The following GPC6 variants were observed in gnomAD, a reference collection of about 807,000 sequenced individuals.
GPC6 encodes glypican-6.
GPC6 carries 14 observed loss-of-function variants against 55.2 expected under a neutral mutation model. The observed-to-expected ratio is 0.25, with a 90% CI of 0.17 to 0.40. The LOEUF is 0.40. Among genes scored for constraint, GPC6 ranks in the 10% least tolerant of loss-of-function variants. The probability of loss-of-function intolerance (pLI) is 1.00; values close to 1 mark genes in which losing one functional copy is unlikely to be tolerated. For missense variants in GPC6, 641 were observed against 708.5 expected (o/e 0.90, Z 1.08); for synonymous variants, 278 against 259.6 (o/e 1.07, Z -0.68).
intron 2 of GPC6, among the ~76,000 whole-genome samples, chr13:93,632,184 C>T (rs1351401281): frequency 6.6e-6 from 1 of 152,164 alleles, no homozygotes; most frequent in Non-Finnish European, 1.5e-5. Flanking sequence ...AACTTAGAAA[C>T]TTACCATGTC....
At chr13:94,057,711 G>A (rs944328703) in intron 4 of GPC6, among the ~76,000 whole-genome samples, 1 of 152,148 alleles carries the variant, frequency 6.6e-6, no homozygotes. Flanking sequence ...TTAAATAAGT[G>A]CTTGAATTTG....
chr13:93,832,122 A>AAAAAAAAAATATATAT (rs1555334870), intron 3 of GPC6, among the ~76,000 whole-genome samples: 1 of 12,052 alleles, frequency 8.3e-5, no homozygotes, highest in African/African-American at 4.4e-4. Context: ...AAAAAAAAAA[A>AAAAAAAAAATATATAT]ATATATATAT....
chr13:94,096,899 T>C (rs1357641467), intron 4 of GPC6, among the ~76,000 whole-genome samples: 5 of 152,208 alleles, frequency 3.3e-5, no homozygotes, highest in African/African-American at 1.2e-4. Flanking sequence ...ATTCATCTGC[T>C]CTTGGCTGCT....
At chr13:93,444,631 A>G (rs994937356) in intron 1 of GPC6, among the ~76,000 whole-genome samples, 6 of 152,190 alleles carry the variant, frequency 3.9e-5, no homozygotes, top group African/African-American at 7.2e-5. Context: ...CAACAACAAT[A>G]AAAACATGCC....
chr13:93,627,683 T>C (rs1763454195), intron 2 of GPC6, among the ~76,000 whole-genome samples: 1 of 126,648 alleles, frequency 7.9e-6, no homozygotes, highest in South Asian at 2.6e-4. Flanking sequence ...GCTGCTGTTA[T>C]TAGGTTTCTA....
chr13:93,592,074 G>A (rs1351212720), intron 2 of GPC6, among the ~76,000 whole-genome samples: 1 of 152,064 alleles, frequency 6.6e-6, no homozygotes, highest in Non-Finnish European at 1.5e-5. Flanking sequence ...ACTGCATTCA[G>A]TTAAAGTAAG....
chr13:94,153,059 A>G (rs550142560), intron 4 of GPC6, among the ~76,000 whole-genome samples: 127 of 152,278 alleles, frequency 8.3e-4, no homozygotes, highest in African/African-American at 2.9e-3. Flanking sequence ...CAAGTAAGTT[A>G]TGTGTCGTGC....
chr13:93,477,187 A>T (rs893727360), intron 1 of GPC6, among the ~76,000 whole-genome samples: 3 of 152,136 alleles, frequency 2.0e-5, no homozygotes, highest in Admixed American at 1.3e-4. Context: ...TATGAAAAAC[A>T]AAAGTGATAT....
chr13:93,254,232 G>A (rs1366248730), intron 1 of GPC6, among the ~76,000 whole-genome samples: 1 of 152,124 alleles, frequency 6.6e-6, no homozygotes, highest in Non-Finnish European at 1.5e-5. Flanking sequence ...AGGCTGAGAA[G>A]AGGATCACTT....
intron 4 of GPC6, among the ~76,000 whole-genome samples, chr13:94,086,516 A>G (rs1395960401): frequency 6.6e-6 from 1 of 152,172 alleles, no homozygotes; most frequent in Non-Finnish European, 1.5e-5. Flanking sequence ...ATGGTTTCCT[A>G]AGTAAATATG....
intron 3 of GPC6, among the ~76,000 whole-genome samples, chr13:93,918,569 A>C (rs1397835024): frequency 6.6e-6 from 1 of 152,212 alleles, no homozygotes; most frequent in Non-Finnish European, 1.5e-5. Flanking sequence ...AGAGAGTTCC[A>C]GTGCTAAAAC....
At chr13:94,248,902 C>T (rs1245738310) in intron 4 of GPC6, among the ~76,000 whole-genome samples, 1 of 152,090 alleles carries the variant, frequency 6.6e-6, no homozygotes, top group Non-Finnish European at 1.5e-5. Context: ...TCTTAAATGG[C>T]AATTTACTAA....
intron 3 of GPC6, among the ~76,000 whole-genome samples, chr13:93,868,947 T>A (rs1889048784): frequency 6.6e-6 from 1 of 151,858 alleles, no homozygotes; most frequent in Non-Finnish European, 1.5e-5. Context: ...AGTTCGGAAC[T>A]GCTTCTATTC....
chr13:93,858,204 T>G lies in GPC6; in HGVS notation c.711+27659T>G, dbSNP rs574470721. Among the ~76,000 whole-genome samples, 257 of 151,752 alleles carry G rather than the reference T, an allele frequency of 1.7e-3. 1 individual carries two copies. Among genetic ancestry groups the G allele is most frequent in the African/African-American group, 5.6e-3 (233 of 41,494 alleles). Reference sequence around the variant, plus strand: ...TATTCACAAATCTTTATTCGTACAATTAAATCTTTTTTGAGGTGGTCAAAT... The same window carrying G: ...TATTCACAAATCTTTATTCGTACAAGTAAATCTTTTTTGAGGTGGTCAAAT... On this transcript the variant is annotated intron_variant, in intron 3 of 8. Transcript: ENST00000377047.
At chr13:93,827,018 T>C (rs1303617070) in intron 2 of GPC6, among the ~76,000 whole-genome samples, 1 of 152,238 alleles carries the variant, frequency 6.6e-6, no homozygotes, top group Non-Finnish European at 1.5e-5. Context: ...AAAGGTTTTT[T>C]GTGCACCTAT....
intron 2 of GPC6, among the ~76,000 whole-genome samples, chr13:93,757,563 G>A (rs1244825624): frequency 6.6e-6 from 1 of 152,184 alleles, no homozygotes; most frequent in South Asian, 2.1e-4. Context: ...CCCTTTGTCA[G>A]TGAACATTGC....
rs1178611810 is a variant in GPC6 at position 93,226,874 on chromosome 13, T to G, written c.-583T>G. 2 of 152,690 alleles carry G rather than the reference T, an allele frequency of 1.3e-5. No homozygotes were observed. The highest frequency in any genetic ancestry group is 2.1e-4 in the South Asian group (1 of 4,822). The allele number at this position is 152,690 out of a possible 1,614,324, so 9.5% of individuals were successfully genotyped here. On this transcript the variant is annotated 5_prime_UTR_variant, in exon 1 of 9. Coordinates refer to ENST00000377047, the MANE Select transcript of GPC6 (RefSeq NM_005708.5). ...TTCTCTCTTCCTATTTCAGGAGGAC[T>G]CTCACAGGCTCCCACAGCCTGTGTT...
At chr13:93,981,200 C>T (rs1594639740) in intron 3 of GPC6, among the ~76,000 whole-genome samples, 1 of 152,098 alleles carries the variant, frequency 6.6e-6, no homozygotes, top group East Asian at 1.9e-4. Context: ...AACTTCTGCT[C>T]TATTATAGAA....
At chr13:94,345,353 T>C (rs936238403) in intron 6 of GPC6, among the ~76,000 whole-genome samples, 10 of 152,132 alleles carry the variant, frequency 6.6e-5, no homozygotes, top group Middle Eastern at 3.2e-3. Context: ...AAATCTGATT[T>C]TGGGGGGGAA....
Sources: gnomAD v4.1 joint callset for allele counts (sites outside exome capture counted in the v4.1 genomes callset) on GRCh38, gnomAD v4.1.1 for gene constraint, MANE v1.5 for transcripts, NCBI Gene and HGNC (gene_info 2026-07-23, HGNC 2026-07-21) for gene names.